The following MALT1 variants were observed in gnomAD, a reference collection of about 807,000 sequenced individuals.
MALT1 encodes the protein mucosa-associated lymphoid tissue lymphoma translocation protein 1.
In MALT1, 36 loss-of-function variants were observed where a neutral mutation model predicts 85.5. The observed-to-expected ratio is 0.42, with a 90% CI of 0.32 to 0.56. The LOEUF (loss-of-function observed/expected upper bound fraction) is 0.56, where lower values mean the gene tolerates loss of function less well. Ranked by LOEUF, MALT1 falls within the 20% of genes least tolerant of loss-of-function variation. The probability of loss-of-function intolerance (pLI) is 0.10; values close to 1 mark genes in which losing one functional copy is unlikely to be tolerated. For missense variants in MALT1, 716 were observed against 981.6 expected (o/e 0.73, Z 3.62); for synonymous variants, 359 against 361.3 (o/e 0.99, Z 0.07).
At chr18:58,673,254 T>C (rs1306869863) in intron 1 of MALT1, among the ~76,000 whole-genome samples, 2 of 152,232 alleles carry the variant, frequency 1.3e-5, no homozygotes, top group East Asian at 3.8e-4. Flanking sequence ...CTAACAAATA[T>C]TCAATTCCTA....
intron 4 of MALT1, among the ~76,000 whole-genome samples, chr18:58,708,127 G>C (rs1328749128): frequency 6.6e-6 from 1 of 152,196 alleles, no homozygotes; most frequent in Admixed American, 6.5e-5. Context: ...GGCCTCGTGG[G>C]CCTCCAAGGG....
At chr18:58,693,862 A>G (rs2054549316) in intron 2 of MALT1, among the ~76,000 whole-genome samples, 1 of 152,134 alleles carries the variant, frequency 6.6e-6, no homozygotes, top group Non-Finnish European at 1.5e-5. Context: ...AAACTCCTAT[A>G]TTTTTTAGAT....
chr18:58,714,020 C>G (rs368612988), intron 7 of MALT1, 63 bp from the exon 8 acceptor site: 2 of 786,690 alleles, frequency 2.5e-6, no homozygotes, highest in African/African-American at 3.5e-5. Flanking sequence ...TTGGATTAGT[C>G]TTACTATTTG....
chr18:58,671,586 C>T lies in MALT1; in HGVS notation c.-58C>T, dbSNP rs1320831601. The T allele has an allele frequency of 1.2e-5, 14 of 1,128,904 alleles. No homozygotes were observed. The highest frequency in any genetic ancestry group is 1.6e-5 in the Non-Finnish European group (14 of 900,736). The allele number at this position is 1,128,904 out of a possible 1,614,324, so 69.9% of individuals were successfully genotyped here. On this transcript the variant is annotated 5_prime_UTR_variant, in exon 1 of 17. Coordinates refer to ENST00000649217, the MANE Select transcript of MALT1 (RefSeq NM_006785.4). ...AGGCGAGCGGAAGGTGCCCCGGGGCCGAGGCCCGTGACGGGGCGGGCGGGA... is the reference window on the plus strand; with the variant it reads ...AGGCGAGCGGAAGGTGCCCCGGGGCTGAGGCCCGTGACGGGGCGGGCGGGA...
At chr18:58,671,959 CG>C in intron 1 of MALT1, 107 bp downstream of exon 1, 2 of 720,718 alleles carry the variant, frequency 2.8e-6, no homozygotes, top group Non-Finnish European at 3.8e-6. Flanking sequence ...GGGCCGCCGG[CG>C]TGAGTGAGCG....
intron 2 of MALT1, 114 bp downstream of exon 2, chr18:58,681,450 T>A: frequency 2.2e-6 from 2 of 925,868 alleles, no homozygotes; most frequent in Non-Finnish European, 1.5e-6. Context: ...TGTAAATGTG[T>A]AGTGCCTTGT....
chr18:58,741,440 TTGTC>T (rs2144483917), intron 13 of MALT1: 1 of 152,402 alleles, frequency 6.6e-6, no homozygotes, highest in South Asian at 2.1e-4. Context: ...CTATATAATT[TTGTC>T]TCTTTTTTTA....
chr18:58,699,964 A>C (rs930590858), intron 3 of MALT1, among the ~76,000 whole-genome samples: 3 of 152,224 alleles, frequency 2.0e-5, no homozygotes, highest in Non-Finnish European at 4.4e-5. Flanking sequence ...AGAATTTTGC[A>C]GATCAGAAGG....
chr18:58,745,518 T>C (rs1216887702), intron 15 of MALT1, 148 bp from the exon 16 acceptor site: 14 of 604,326 alleles, frequency 2.3e-5, no homozygotes, highest in Non-Finnish European at 4.0e-5. Flanking sequence ...TTTCATTGTT[T>C]AGTCCTGGAT....
chr18:58,708,766 T>C (rs756319608), intron 4 of MALT1, among the ~76,000 whole-genome samples: 3 of 152,234 alleles, frequency 2.0e-5, no homozygotes, highest in Non-Finnish European at 4.4e-5. Context: ...ATATTACTGA[T>C]CACCTGTAAT....
chr18:58,727,278 T>G (rs78944121), intron 10 of MALT1, among the ~76,000 whole-genome samples: 1 of 2,724 alleles, frequency 3.7e-4, no homozygotes, highest in African/African-American at 3.9e-4. Context: ...GTTTTTTGGG[T>G]TTTTTTTTTG....
chr18:58,695,825 A>G (rs1466973441), intron 2 of MALT1, among the ~76,000 whole-genome samples: 2 of 152,198 alleles, frequency 1.3e-5, no homozygotes, highest in African/African-American at 2.4e-5. Context: ...CCTACCTCCC[A>G]ACATTGTTAC....
chr18:58,671,576 GC>G lies in MALT1; in HGVS notation c.-64del. 1.9e-6 allele frequency: 2 copies of G among 1,070,174 alleles called. No homozygotes were observed. Among genetic ancestry groups the G allele is most frequent in the Non-Finnish European group, 2.4e-6 (2 of 847,484 alleles). 66.3% of individuals were successfully genotyped at this position (1,070,174 alleles called of 1,614,324 possible). Reference sequence around the variant, plus strand: ...CGCGGCTCGGAGGCGAGCGGAAGGTGCCCCGGGGCCGAGGCCCGTGACGGGG... The same window carrying G: ...CGCGGCTCGGAGGCGAGCGGAAGGTGCCCGGGGCCGAGGCCCGTGACGGGG... On this transcript the variant is annotated 5_prime_UTR_variant, in exon 1 of 17. Transcript: ENST00000649217.
At chr18:58,743,107 G>T (rs955189026) in intron 14 of MALT1, among the ~76,000 whole-genome samples, 1 of 152,070 alleles carries the variant, frequency 6.6e-6, no homozygotes, top group African/African-American at 2.4e-5. Flanking sequence ...AGGTGTGGTG[G>T]CTCACACCTG....
chr18:58,692,065 A>G (rs1568129097), intron 2 of MALT1: 1 of 153,968 alleles, frequency 6.5e-6, no homozygotes, highest in African/African-American at 2.4e-5. Flanking sequence ...AAAAAAAAAA[A>G]AAAGAGGGTG....
chr18:58,695,424 GATGTTGGCAGTTATTCCTCAA>G (rs1157784432), intron 2 of MALT1, among the ~76,000 whole-genome samples: 1 of 152,208 alleles, frequency 6.6e-6, no homozygotes, highest in Non-Finnish European at 1.5e-5. Context: ...TCCAAGCTTA[GATGTTGGCAGTTATTCCTCAA>G]ATGAGGAATG....
Position 58,714,076 on chromosome 18 carries a change from GT to G in MALT1, c.959-3del. On this transcript the variant is annotated splice_polypyrimidine_tract_variant and splice_region_variant and intron_variant, in intron 7 of 16. Coordinates refer to ENST00000649217, the MANE Select transcript of MALT1 (RefSeq NM_006785.4). ...TACTTAATCTATTTTCTCTTACTTTGTTTTAGATGAATTAAATAATCTTGGT... is the reference window on the plus strand; with the variant it reads ...TACTTAATCTATTTTCTCTTACTTTGTTTAGATGAATTAAATAATCTTGGT... 1 of 1,214,060 alleles carries G rather than the reference GT, an allele frequency of 8.2e-7. No homozygotes were observed. The highest frequency in any genetic ancestry group is 1.2e-6 in the Non-Finnish European group (1 of 837,080). The allele number at this position is 1,214,060 out of a possible 1,614,324, so 75.2% of individuals were successfully genotyped here. A position where few individuals can be genotyped will look rare whatever the true frequency, so the allele number is the denominator to read the frequency against.
chr18:58,717,498 G>T (rs2054919672), intron 9 of MALT1, among the ~76,000 whole-genome samples: 1 of 152,120 alleles, frequency 6.6e-6, no homozygotes, highest in African/African-American at 2.4e-5. Flanking sequence ...AATGTGTATT[G>T]AGAGTCCAAC....
intron 4 of MALT1, among the ~76,000 whole-genome samples, chr18:58,707,996 A>G (rs1210264570): frequency 6.6e-6 from 1 of 152,176 alleles, no homozygotes; most frequent in African/African-American, 2.4e-5. Flanking sequence ...GGACCACTGA[A>G]GCATTTTTGT....
Sources: allele counts gnomAD v4.1 joint callset (sites outside exome capture counted in the v4.1 genomes callset), GRCh38; gene constraint gnomAD v4.1.1; transcripts MANE v1.5; gene names NCBI Gene and HGNC (gene_info 2026-07-23, HGNC 2026-07-21).